ACCSL: variants seen among roughly 807,000 people sequenced by gnomAD.
ACCSL encodes probable inactive 1-aminocyclopropane-1-carboxylate synthase-like protein 2.
Under a neutral mutation model 61.7 loss-of-function variants are expected in ACCSL, and 55 were observed. The observed-to-expected ratio is 0.89, with a 90% CI of 0.72 to 1.12. ACCSL has a LOEUF of 1.12. Ranked by LOEUF, ACCSL falls within the 50% of genes most tolerant of loss-of-function variation. ACCSL has a pLI of 0.00. For synonymous variants in ACCSL, 258 were observed against 264.3 expected, an observed-to-expected ratio of 0.98 and a Z score of 0.23; for missense variants, 632 against 698.0, an observed-to-expected ratio of 0.91 and a Z score of 1.07.
chr11:43,951,932 T>C, the ACCSL span, among the ~76,000 whole-genome samples: 2 of 151,850 alleles, frequency 1.3e-5, no homozygotes, highest in Non-Finnish European at 2.9e-5. Context: ...ATCCTGGAGG[T>C]AGAGGTTATA....
chr11:44,013,660 C>A, the ACCSL span, among the ~76,000 whole-genome samples: 1 of 152,172 alleles, frequency 6.6e-6, no homozygotes, highest in East Asian at 1.9e-4. Context: ...AAATATATTA[C>A]GTATTTCATA....
At chr11:43,937,142 T>TC in the ACCSL span, among the ~76,000 whole-genome samples, 1 of 152,102 alleles carries the variant, frequency 6.6e-6, no homozygotes, top group Non-Finnish European at 1.5e-5. Flanking sequence ...TTGGCTGGCC[T>TC]GTCAGGAGCC....
At chr11:43,936,987 C>T in the ACCSL span, among the ~76,000 whole-genome samples, 2 of 152,144 alleles carry the variant, frequency 1.3e-5, no homozygotes, top group Non-Finnish European at 2.9e-5. Context: ...AAGCACGCAC[C>T]CTCTTTCTTA....
chr11:43,928,886 C>T, the ACCSL span, among the ~76,000 whole-genome samples: 4 of 152,324 alleles, frequency 2.6e-5, no homozygotes, highest in African/African-American at 7.2e-5. Flanking sequence ...CATTGCAACA[C>T]AAGGTAGGAG....
chr11:44,058,225 G>T, intron 11 of ACCSL, 92 bp from the exon 12 acceptor site: 10 of 1,399,296 alleles, frequency 7.1e-6, no homozygotes, highest in Non-Finnish European at 9.8e-6. Context: ...AAACAAACTT[G>T]CATGAAGCCC....
the ACCSL span, chr11:43,942,140 G>C: frequency 1.9e-5 from 3 of 153,930 alleles, no homozygotes; most frequent in Non-Finnish European, 2.9e-5. Flanking sequence ...CTTCTTCCGA[G>C]CTCAGCTCTG....
chr11:43,940,878 A>T, the ACCSL span, among the ~76,000 whole-genome samples: 1 of 152,174 alleles, frequency 6.6e-6, no homozygotes, highest in African/African-American at 2.4e-5. Context: ...TGTCCATTGC[A>T]GGGCAAACCG....
At chr11:44,051,031 C>T (rs192002027) in intron 3 of ACCSL, among the ~76,000 whole-genome samples, 54 of 152,074 alleles carry the variant, frequency 3.6e-4, no homozygotes, top group African/African-American at 1.1e-3. Context: ...TTAGTAGAGA[C>T]GGGGTTTCAC....
At chr11:44,051,152 T>A (rs1317927767) in intron 3 of ACCSL, among the ~76,000 whole-genome samples, 183 bp from the exon 4 acceptor site, 1 of 152,174 alleles carries the variant, frequency 6.6e-6, no homozygotes, top group East Asian at 1.9e-4. Context: ...AGGCCTAAGT[T>A]CTTGTCCCAA....
chr11:43,944,912 G>A, the ACCSL span: 1 of 152,892 alleles, frequency 6.5e-6, no homozygotes, highest in Non-Finnish European at 1.5e-5. Context: ...TCCTGCTCCG[G>A]TTGCGGCGTC....
At chr11:44,013,975 G>A in the ACCSL span, among the ~76,000 whole-genome samples, 1 of 152,172 alleles carries the variant, frequency 6.6e-6, no homozygotes, top group Non-Finnish European at 1.5e-5. Flanking sequence ...TGAGAAGAAG[G>A]CCTCATTGCC....
At chr11:44,020,777 C>G in the ACCSL span, among the ~76,000 whole-genome samples, 2 of 152,018 alleles carry the variant, frequency 1.3e-5, no homozygotes, top group Non-Finnish European at 2.9e-5. Context: ...TTCCTCACCC[C>G]CCTCCCACCA....
the ACCSL span, among the ~76,000 whole-genome samples, chr11:43,963,613 T>C: frequency 6.6e-6 from 1 of 152,202 alleles, no homozygotes; most frequent in African/African-American, 2.4e-5. Context: ...TAGAGTTGTG[T>C]TTTCTCTCAG....
chr11:43,990,743 T>C, the ACCSL span, among the ~76,000 whole-genome samples: 1,813 of 152,318 alleles, frequency 0.012, 16 homozygotes, highest in East Asian at 0.03. Context: ...CACTGCAGAA[T>C]GCTTCTCACT....
the ACCSL span, among the ~76,000 whole-genome samples, chr11:44,021,547 A>T: frequency 6.6e-6 from 1 of 151,106 alleles, no homozygotes; most frequent in African/African-American, 2.4e-5. Flanking sequence ...GTTTGCAAAA[A>T]TTTTCTCCCC....
At chr11:44,051,575 G>A in intron 4 of ACCSL, 78 bp from the exon 5 acceptor site, 3 of 1,589,328 alleles carry the variant, frequency 1.9e-6, no homozygotes, top group Non-Finnish European at 2.6e-6. Flanking sequence ...GTTCTGCCCA[G>A]GGGGATGGAG....
the ACCSL span, among the ~76,000 whole-genome samples, chr11:43,925,677 C>T: frequency 6.6e-6 from 1 of 152,104 alleles, no homozygotes; most frequent in Non-Finnish European, 1.5e-5. Flanking sequence ...CCACATCTGC[C>T]GGAATGACTG....
chr11:44,003,773 C>T, the ACCSL span, among the ~76,000 whole-genome samples: 234 of 152,328 alleles, frequency 1.5e-3, 4 homozygotes, highest in Admixed American at 0.012. Flanking sequence ...TCTGACTTTT[C>T]GCACACTCTG....
chr11:43,953,456 G>A, the ACCSL span, among the ~76,000 whole-genome samples: 1 of 150,516 alleles, frequency 6.6e-6, no homozygotes, highest in East Asian at 2.0e-4. Flanking sequence ...AGGAGGCGGA[G>A]GTTGCAGTGA....
Sources: allele counts gnomAD v4.1 joint callset (sites outside exome capture counted in the v4.1 genomes callset), GRCh38; gene constraint gnomAD v4.1.1; transcripts MANE v1.5; gene names NCBI Gene and HGNC (gene_info 2026-07-23, HGNC 2026-07-21).